Variants in FRMD4A observed in about 807,000 individuals in gnomAD.
FRMD4A encodes FERM domain-containing protein 4A.
Under a neutral mutation model 129.1 loss-of-function variants are expected in FRMD4A, and 29 were observed. The ratio of observed to expected loss-of-function variants is 0.22; its 90% confidence interval spans 0.17 to 0.31. The LOEUF is 0.31. FRMD4A is among the 10% of genes least tolerant of loss of function. The probability of loss-of-function intolerance (pLI) is 1.00; values close to 1 mark genes in which losing one functional copy is unlikely to be tolerated. For synonymous variants in FRMD4A, 634 were observed against 571.6 expected (o/e 1.11, Z -1.56); for missense variants, 1,272 against 1,375.8 (o/e 0.92, Z 1.19).
At chr10:14,295,729 G>T (rs1384387616) in intron 2 of FRMD4A, among the ~76,000 whole-genome samples, 3 of 152,146 alleles carry the variant, frequency 2.0e-5, no homozygotes, top group Non-Finnish European at 2.9e-5. Context: ...GAGAGGGGGA[G>T]TTGGCAGAAA....
intron 2 of FRMD4A, among the ~76,000 whole-genome samples, chr10:14,047,912 C>G (rs889409616): frequency 6.6e-6 from 1 of 152,196 alleles, no homozygotes; most frequent in African/African-American, 2.4e-5. Flanking sequence ...TCTTGGCTTT[C>G]TTCACCACCA....
At position 13,761,673 on chromosome 10, in the gene FRMD4A, T is replaced by C. The variant is rs2092078575; in HGVS notation, c.442-4A>G. ...TAGAAAAATCTCCCTTTGCCTCCTG[T>C]AGAAGAAAAAATTCAACATCAGCGA... is the stretch of plus-strand genomic sequence containing the variant. On this transcript the variant is annotated splice_polypyrimidine_tract_variant and splice_region_variant and intron_variant, in intron 7 of 24. Transcript: ENST00000357447. 7 of 1,600,366 alleles carry C rather than the reference T, an allele frequency of 4.4e-6. No homozygotes were observed. The highest frequency in any genetic ancestry group is 6.0e-6 in the Non-Finnish European group (7 of 1,170,230).
chr10:13,925,695 T>C (rs902790893), intron 2 of FRMD4A, among the ~76,000 whole-genome samples: 1 of 146,368 alleles, frequency 6.8e-6, no homozygotes, highest in Non-Finnish European at 1.5e-5. Flanking sequence ...GCAATTCTCC[T>C]GCCTCAGCCT....
chr10:14,202,433 G>A (rs1312663839), intron 2 of FRMD4A, among the ~76,000 whole-genome samples: 4 of 152,004 alleles, frequency 2.6e-5, no homozygotes, highest in East Asian at 1.9e-4. Flanking sequence ...ATGGAGTCTC[G>A]CTCTGTTGCC....
At position 13,768,186 on chromosome 10, in the gene FRMD4A, G is replaced by A. The variant is rs560409943; in HGVS notation, c.385-5506C>T. ...TTTTATCCCAGGTGACTGAACTGCC[G>A]AAGGAAGAGGCCTGAGGTCATTTAT... On this transcript the variant is annotated intron_variant, in intron 6 of 24. Coordinates refer to ENST00000357447, the MANE Select transcript of FRMD4A (RefSeq NM_018027.5). Among the ~76,000 whole-genome samples the A allele has an allele frequency of 2.8e-4, 42 of 152,146 alleles. No individual in the cohort carries two copies. In the South Asian group the frequency reaches 8.1e-3, roughly 29 times the overall value.
At chr10:14,276,447 C>T (rs1845343900) in intron 2 of FRMD4A, among the ~76,000 whole-genome samples, 1 of 152,242 alleles carries the variant, frequency 6.6e-6, no homozygotes, top group African/African-American at 2.4e-5. Flanking sequence ...ACTCCTGCCT[C>T]TCAGGGAACC....
chr10:14,136,561 G>A (rs1047462476), intron 2 of FRMD4A, among the ~76,000 whole-genome samples: 5 of 151,924 alleles, frequency 3.3e-5, no homozygotes, highest in Non-Finnish European at 5.9e-5. Context: ...AACCCCACTC[G>A]TCTCATATGT....
At chr10:14,131,568 T>C (rs999597416) in intron 2 of FRMD4A, among the ~76,000 whole-genome samples, 1 of 152,158 alleles carries the variant, frequency 6.6e-6, no homozygotes, top group African/African-American at 2.4e-5. Context: ...TGTGGCTCCA[T>C]GATGTGACTG....
intron 2 of FRMD4A, among the ~76,000 whole-genome samples, chr10:13,867,119 T>C (rs1397441457): frequency 6.6e-6 from 1 of 152,206 alleles, no homozygotes; most frequent in Non-Finnish European, 1.5e-5. Context: ...TTAACTTTAG[T>C]CCTCATGTTG....
chr10:13,706,190 T>C (rs981255938), intron 13 of FRMD4A, among the ~76,000 whole-genome samples: 15 of 152,202 alleles, frequency 9.9e-5, no homozygotes, highest in African/African-American at 2.4e-4. Context: ...CTTTTTTCTG[T>C]CTCCCTGGGG....
rs377237541 is a variant in FRMD4A at position 13,920,248 on chromosome 10, A to AT, written c.46-61337dup. On this transcript the variant is annotated intron_variant, in intron 2 of 24. Coordinates refer to ENST00000357447, the MANE Select transcript of FRMD4A (RefSeq NM_018027.5). ...TTTAACATTCCTCTGGCATGTAGGC[A>AT]TTTTTTTTGGCAGAAGCAGAACTTT... 2.5e-3 allele frequency among the ~76,000 whole-genome samples: 386 copies of AT among 152,040 alleles called. 2 individuals are homozygous for AT. The highest frequency in any genetic ancestry group is 7.6e-3 in the African/African-American group (314 of 41,482).
rs76141863 is a variant in FRMD4A, at chr10:14,088,288, A to C, written c.46-229376T>G. Among the ~76,000 whole-genome samples, 1,454 of 152,042 alleles carry C rather than the reference A, an allele frequency of 9.6e-3. 7 individuals are homozygous for C. The highest frequency in any genetic ancestry group is 0.015 in the Non-Finnish European group (993 of 67,978). On this transcript the variant is annotated intron_variant, in intron 2 of 24. Transcript: ENST00000357447. Reference sequence around the variant, plus strand: ...ATGACGAAACCCTGTCTCTATTTAAAAAACGACATTTAGCGGGCTGTGGTG... The same window carrying C: ...ATGACGAAACCCTGTCTCTATTTAACAAACGACATTTAGCGGGCTGTGGTG...
chr10:13,685,816 C>T (rs1285796220), intron 15 of FRMD4A: 2 of 161,012 alleles, frequency 1.2e-5, no homozygotes, highest in Non-Finnish European at 2.6e-5. Context: ...AAAAAGTTAT[C>T]ATTGGAAAGT....
At chr10:14,168,661 A>G (rs928430917) in intron 2 of FRMD4A, among the ~76,000 whole-genome samples, 2 of 152,200 alleles carry the variant, frequency 1.3e-5, no homozygotes, top group African/African-American at 2.4e-5. Flanking sequence ...ATTCATTCAC[A>G]TATTTGTTTA....
intron 2 of FRMD4A, among the ~76,000 whole-genome samples, chr10:14,176,930 T>C (rs1022330135): frequency 1.3e-5 from 2 of 152,212 alleles, no homozygotes; most frequent in Non-Finnish European, 2.9e-5. Flanking sequence ...CCCTGAACCA[T>C]TAAAACGACT....
chr10:13,880,256 G>A (rs1481657458), intron 2 of FRMD4A, among the ~76,000 whole-genome samples: 11 of 152,076 alleles, frequency 7.2e-5, no homozygotes, highest in African/African-American at 2.7e-4. Context: ...CCCAGGTAAT[G>A]GTAGCTCTGC....
chr10:14,060,372 T>C (rs1166305384), intron 2 of FRMD4A, among the ~76,000 whole-genome samples: 1 of 152,178 alleles, frequency 6.6e-6, no homozygotes, highest in Non-Finnish European at 1.5e-5. Context: ...ATATCAACTC[T>C]ATGAAATAGG....
chr10:14,011,040 A>T (rs1246716820), intron 2 of FRMD4A, among the ~76,000 whole-genome samples: 5 of 152,168 alleles, frequency 3.3e-5, no homozygotes, highest in African/African-American at 9.7e-5. Context: ...AGAGGGGCTT[A>T]GTAAGTTGGC....
intron 2 of FRMD4A, chr10:14,326,392 G>A (rs1021976316): frequency 6.6e-6 from 1 of 152,442 alleles, no homozygotes; most frequent in Non-Finnish European, 1.5e-5. Flanking sequence ...TCAGAGGACC[G>A]AGATTTTGAG....
Sources: gnomAD v4.1 joint callset for allele counts (sites outside exome capture counted in the v4.1 genomes callset) on GRCh38, gnomAD v4.1.1 for gene constraint, MANE v1.5 for transcripts, NCBI Gene and HGNC (gene_info 2026-07-23, HGNC 2026-07-21) for gene names.